The following PCDH11X variants were observed in gnomAD, a reference collection of about 807,000 sequenced individuals.
PCDH11X encodes the protein protocadherin 11 X-linked, also known as protocadherin-11 X-linked.
Under a neutral mutation model 53.3 loss-of-function variants are expected in PCDH11X, and 18 were observed. That is an observed-to-expected ratio of 0.34 (90% confidence interval 0.23 to 0.50). PCDH11X has a LOEUF of 0.50. Ranked by LOEUF, PCDH11X falls within the 20% of genes least tolerant of loss-of-function variation. PCDH11X has a pLI of 0.98. For missense variants in PCDH11X, 570 were observed against 1,032.4 expected (o/e 0.55, Z 6.14); for synonymous variants, 279 against 393.3 (o/e 0.71, Z 3.44).
intron 6 of PCDH11X, among the ~76,000 whole-genome samples, chrX:91,930,761 A>G (rs866699231): frequency 3.3e-4 from 34 of 102,134 alleles, no homozygotes; most frequent in South Asian, 9.5e-4. Flanking sequence ...GTTTACTTGG[A>G]AGTACATTTG....
chrX:92,072,972 A>G (rs1307975570), intron 6 of PCDH11X, among the ~76,000 whole-genome samples: 2 of 111,534 alleles, frequency 1.8e-5, no homozygotes, highest in Non-Finnish European at 3.8e-5. Context: ...CCAAGTTCCA[A>G]CAACTGGGAT....
At chrX:92,608,520 CT>C (rs1309860383) in intron 10 of PCDH11X, among the ~76,000 whole-genome samples, 1 of 110,295 alleles carries the variant, frequency 9.1e-6, no homozygotes, top group East Asian at 2.9e-4. Flanking sequence ...ATATTCTTAT[CT>C]TTTTAAATAT....
At chrX:92,371,119 G>A (rs936133656) in intron 8 of PCDH11X, among the ~76,000 whole-genome samples, 1 of 111,604 alleles carries the variant, frequency 9.0e-6, no homozygotes, top group Non-Finnish European at 1.9e-5. Flanking sequence ...TGAGTCTATT[G>A]TAGGCAGTAC....
intron 6 of PCDH11X, among the ~76,000 whole-genome samples, chrX:92,020,911 A>C (rs1696970967): frequency 9.0e-6 from 1 of 110,778 alleles, no homozygotes; most frequent in South Asian, 3.9e-4. Flanking sequence ...AACCAGATGA[A>C]TAGGGCCTGA....
At chrX:92,445,308 A>G (rs1349771423) in intron 9 of PCDH11X, among the ~76,000 whole-genome samples, 1 of 102,319 alleles carries the variant, frequency 9.8e-6, no homozygotes, top group Non-Finnish European at 2.0e-5. Flanking sequence ...ATCTTGGAAG[A>G]TTGTATGTTT....
chrX:92,153,789 A>G (rs1233025288), intron 6 of PCDH11X, among the ~76,000 whole-genome samples: 1 of 110,836 alleles, frequency 9.0e-6, no homozygotes, highest in African/African-American at 3.3e-5. Flanking sequence ...GCCAATGCTA[A>G]TTCTAAGGAA....
At chrX:92,341,924 T>C (rs891174753) in intron 8 of PCDH11X, among the ~76,000 whole-genome samples, 2 of 111,892 alleles carry the variant, frequency 1.8e-5, no homozygotes, top group Non-Finnish European at 3.8e-5. Context: ...GGAGAAAATA[T>C]TCACAAACAC....
At chrX:91,989,492 G>A (rs918693481) in intron 6 of PCDH11X, among the ~76,000 whole-genome samples, 1 of 110,273 alleles carries the variant, frequency 9.1e-6, no homozygotes, top group Non-Finnish European at 1.9e-5. Flanking sequence ...GAACCCAGGA[G>A]GCGGAGCTTG....
At chrX:92,299,127 G>A (rs1471665058) in intron 8 of PCDH11X, among the ~76,000 whole-genome samples, 15 of 110,882 alleles carry the variant, frequency 1.4e-4, no homozygotes, top group Admixed American at 8.6e-4. Flanking sequence ...GAGGCCTGCG[G>A]AGTTTCTCCA....
At chrX:92,470,783 A>G (rs1569492412) in intron 10 of PCDH11X, among the ~76,000 whole-genome samples, 1 of 110,334 alleles carries the variant, frequency 9.1e-6, no homozygotes, top group Non-Finnish European at 1.9e-5. Context: ...CCATCTTTGC[A>G]TCTCTAGGTT....
intron 6 of PCDH11X, among the ~76,000 whole-genome samples, chrX:91,899,690 G>A (rs1000866790): frequency 4.5e-5 from 5 of 111,049 alleles, no homozygotes; most frequent in African/African-American, 1.6e-4. Context: ...ATTACATAAA[G>A]TTAACGATAG....
At chrX:91,978,243 TC>T (rs1393496603) in intron 6 of PCDH11X, among the ~76,000 whole-genome samples, 1 of 108,897 alleles carries the variant, frequency 9.2e-6, no homozygotes, top group East Asian at 2.9e-4. Context: ...CGGGTCCCTT[TC>T]TTATGACTGT....
chrX:91,960,309 T>C (rs2524717), intron 6 of PCDH11X, among the ~76,000 whole-genome samples: 2 of 111,417 alleles, frequency 1.8e-5, no homozygotes, highest in African/African-American at 6.5e-5. Flanking sequence ...GCTTTTGTTG[T>C]TGTACTTTTG....
At chrX:92,144,045 C>A (rs2065231713) in intron 6 of PCDH11X, among the ~76,000 whole-genome samples, 1 of 111,635 alleles carries the variant, frequency 9.0e-6, no homozygotes, top group African/African-American at 3.3e-5. Context: ...CCCTGTAGCC[C>A]CCTTTTTTTA....
intron 6 of PCDH11X, among the ~76,000 whole-genome samples, chrX:92,078,073 C>T: frequency 9.2e-6 from 1 of 108,761 alleles, no homozygotes; most frequent in Middle Eastern, 4.7e-3. Flanking sequence ...ACTCAATAGA[C>T]TATTAAAACT....
chrX:92,166,064 T>C (rs1293590396), intron 6 of PCDH11X, among the ~76,000 whole-genome samples: 2 of 111,563 alleles, frequency 1.8e-5, no homozygotes, highest in East Asian at 5.6e-4. Flanking sequence ...AAAATCAGTC[T>C]TCAATAGTAT....
chrX:92,262,713 T>C lies in PCDH11X; in HGVS notation c.3115-401T>C, dbSNP rs752308086. ...AGTTTTTCTCATTTCAATTAAAAAA[T>C]GTGTTTATGCTTGAAATAAAGGCCC... is the stretch of plus-strand genomic sequence containing the variant. On this transcript the variant is annotated intron_variant, in intron 7 of 10. Coordinates refer to ENST00000682573, the MANE Select transcript of PCDH11X (RefSeq NM_032968.5). Among the ~76,000 whole-genome samples, 5 of 111,487 alleles carry C rather than the reference T, an allele frequency of 4.5e-5. No homozygotes were observed. The South Asian group carries it at 1.5e-3, about 33-fold the overall frequency.
At chrX:92,300,133 T>G (rs2148468437) in intron 8 of PCDH11X, among the ~76,000 whole-genome samples, 1 of 109,092 alleles carries the variant, frequency 9.2e-6, no homozygotes, top group South Asian at 4.0e-4. Flanking sequence ...TTTCTTAGTA[T>G]TAATTTTTAT....
At chrX:92,029,798 TG>T (rs938899607) in intron 6 of PCDH11X, among the ~76,000 whole-genome samples, 7 of 111,892 alleles carry the variant, frequency 6.3e-5, no homozygotes, top group Non-Finnish European at 1.3e-4. Context: ...ACATTGCATT[TG>T]AACATAATTT....
Sources: allele counts gnomAD v4.1 joint callset (sites outside exome capture counted in the v4.1 genomes callset), GRCh38; gene constraint gnomAD v4.1.1; transcripts MANE v1.5; gene names NCBI Gene and HGNC (gene_info 2026-07-23, HGNC 2026-07-21).